Variants in UBE3A observed in about 807,000 individuals in gnomAD.
UBE3A encodes ubiquitin-protein ligase E3A.
Under a neutral mutation model 83.4 loss-of-function variants are expected in UBE3A, and 6 were observed. The ratio of observed to expected loss-of-function variants is 0.07; its 90% confidence interval spans 0.04 to 0.14. UBE3A has a LOEUF of 0.14. Ranked by LOEUF, UBE3A falls within the 10% of genes least tolerant of loss-of-function variation. The pLI, the probability that UBE3A is intolerant of heterozygous loss-of-function variation, is 1.00. For missense variants in UBE3A, 456 were observed against 1,036.1 expected (o/e 0.44, Z 7.69); for synonymous variants, 337 against 355.4 (o/e 0.95, Z 0.58).
At chr15:25,346,481 A>G (rs1351568394) in intron 11 of UBE3A, 1 of 152,244 alleles carries the variant, frequency 6.6e-6, no homozygotes, top group Non-Finnish European at 1.5e-5. Flanking sequence ...TGTCCGAGAC[A>G]CAATCCAAAA....
chr15:25,392,874 T>C (rs2084729712), intron 4 of UBE3A, among the ~76,000 whole-genome samples: 1 of 152,132 alleles, frequency 6.6e-6, no homozygotes, highest in South Asian at 2.1e-4. Context: ...TCAATAGCCA[T>C]GATAAGTAAT....
intron 1 of UBE3A, among the ~76,000 whole-genome samples, chr15:25,435,682 T>G (rs771344423): frequency 6.6e-6 from 1 of 152,212 alleles, no homozygotes; most frequent in African/African-American, 2.4e-5. Flanking sequence ...CTTGGACTTC[T>G]CAGCCCCCAG....
rs113658018 is a variant in UBE3A at position 25,417,053 on chromosome 15, A to T, written c.-164-5082T>A. 1.4e-4 allele frequency among the ~76,000 whole-genome samples: 21 copies of T among 152,274 alleles called. 1 individual carries two copies. Among genetic ancestry groups the T allele is most frequent in the African/African-American group, 5.1e-4 (21 of 41,550 alleles). ...TCAGAAATCTGCCATTTGAGAGTCC[A>T]CTGCTGAGTACTAACTGTACACGAT... On this transcript the variant is annotated intron_variant, in intron 1 of 12. Coordinates refer to ENST00000648336, the MANE Select transcript of UBE3A (RefSeq NM_130839.5).
chr15:25,378,277 GCACA>G (rs2081566268), intron 4 of UBE3A, among the ~76,000 whole-genome samples: 1 of 152,122 alleles, frequency 6.6e-6, no homozygotes, highest in South Asian at 2.1e-4. Flanking sequence ...AGAGTGATCA[GCACA>G]AACAGAACGA....
chr15:25,345,233 A>C (rs1239654587), intron 11 of UBE3A, among the ~76,000 whole-genome samples: 1 of 152,136 alleles, frequency 6.6e-6, no homozygotes, highest in African/African-American at 2.4e-5. Context: ...AAAGTTCTAC[A>C]GGATCTAATT....
Position 25,387,915 on chromosome 15 carries a change from A to G in UBE3A, c.63-12152T>C, listed in dbSNP as rs183455562. Among the ~76,000 whole-genome samples, 3 of 152,320 alleles carry G rather than the reference A, an allele frequency of 2.0e-5. No homozygotes were observed. The East Asian group carries it at 5.8e-4, about 29-fold the overall frequency. On this transcript the variant is annotated intron_variant, in intron 4 of 12. Coordinates refer to ENST00000648336, the MANE Select transcript of UBE3A (RefSeq NM_130839.5). ...AAAAGACACAATCTATTAGAACTCT[A>G]AGAAGAAATAATCTTGATTAAAAAG...
At chr15:25,394,914 A>G (rs2085215221) in intron 4 of UBE3A, among the ~76,000 whole-genome samples, 1 of 152,234 alleles carries the variant, frequency 6.6e-6, no homozygotes. Context: ...GTAAAGAAGC[A>G]AAACAACAAA....
At chr15:25,433,883 G>A (rs1344406306) in intron 1 of UBE3A, among the ~76,000 whole-genome samples, 2 of 151,884 alleles carry the variant, frequency 1.3e-5, no homozygotes, top group Non-Finnish European at 2.9e-5. Flanking sequence ...CCTGAACACG[G>A]CAAGACCCCA....
chr15:25,429,088 A>C (rs189416104), intron 1 of UBE3A, among the ~76,000 whole-genome samples: 1 of 152,348 alleles, frequency 6.6e-6, no homozygotes, highest in African/African-American at 2.4e-5. Context: ...ACTGAGTTTA[A>C]AAAAATCAAG....
At chr15:25,438,394 A>T (rs961104082) in intron 1 of UBE3A, 95 bp downstream of exon 1, 2 of 152,222 alleles carry the variant, frequency 1.3e-5, no homozygotes, top group Admixed American at 6.5e-5. Context: ...GGGGCGGGGA[A>T]GGGGGGTGTC....
In UBE3A at chr15:25,370,527, TC is replaced by T. The variant is rs1244533892; in HGVS notation, c.1608+38del. On this transcript the variant is annotated intron_variant, in intron 6 of 12. Coordinates refer to ENST00000648336, the MANE Select transcript of UBE3A (RefSeq NM_130839.5). This position sits in a 1 kb window ranked among gnomAD's most constrained non-coding sequence, Gnocchi z 4.2. ...GAATTCACTGAACTGTATCATGATA[TC>T]CCCATTATTAGGTTTTTAATCTAGC... 3.1e-6 allele frequency: 5 copies of T among 1,611,402 alleles called. No homozygotes were observed. Among genetic ancestry groups the T allele is most frequent in the Non-Finnish European group, 4.2e-6 (5 of 1,177,556 alleles).
intron 1 of UBE3A, chr15:25,413,093 A>T: frequency 2.4e-6 from 1 of 418,468 alleles, no homozygotes. Context: ...AATATACCAA[A>T]TCTATAAAAA....
intron 4 of UBE3A, among the ~76,000 whole-genome samples, chr15:25,378,652 C>A (rs2152872175): frequency 6.6e-6 from 1 of 152,224 alleles, no homozygotes; most frequent in South Asian, 2.1e-4. Flanking sequence ...GTCCAGGAGT[C>A]TTTCAGCTTC....
rs1383369060 is a variant in UBE3A, at chr15:25,408,810, TATA to T, written c.20+275_20+277del. 9 of 867,604 alleles carry T rather than the reference TATA, an allele frequency of 1.0e-5. No homozygotes were observed. In the African/African-American group the frequency reaches 1.5e-4, roughly 15 times the overall value. 53.7% of individuals were successfully genotyped at this position (867,604 alleles called of 1,614,324 possible). On this transcript the variant is annotated intron_variant, in intron 3 of 12. Coordinates refer to ENST00000648336, the MANE Select transcript of UBE3A (RefSeq NM_130839.5). The stretch of plus-strand genomic sequence containing the variant: ...ATATTAAGAAATTTTTAATGTTTTC[TATA>T]ATGTTTATAGTAAAATGTTTAAAAC...
intron 4 of UBE3A, among the ~76,000 whole-genome samples, chr15:25,398,053 T>C (rs1315836682): frequency 1.3e-5 from 2 of 149,872 alleles, no homozygotes; most frequent in African/African-American, 4.9e-5. Flanking sequence ...ATAAAAATGA[T>C]ACGTATTTGG....
intron 4 of UBE3A, among the ~76,000 whole-genome samples, chr15:25,401,047 C>T (rs1293914103): frequency 3.9e-5 from 6 of 152,136 alleles, no homozygotes; most frequent in Non-Finnish European, 7.4e-5. Flanking sequence ...TCTCAATTAT[C>T]TCAATTATCT....
At chr15:25,357,005 T>C (rs376696373) in intron 7 of UBE3A, 109 bp from the exon 8 acceptor site, 9 of 929,730 alleles carry the variant, frequency 9.7e-6, no homozygotes, top group South Asian at 6.5e-5. Context: ...ATTTAAAATA[T>C]ATGTAATTAG....
At chr15:25,383,130 T>C (rs1305080332) in intron 4 of UBE3A, among the ~76,000 whole-genome samples, 1 of 151,914 alleles carries the variant, frequency 6.6e-6, no homozygotes, top group African/African-American at 2.4e-5. Context: ...TAAATACTGA[T>C]GCAAAAAAAA....
At chr15:25,415,456 G>C (rs779051836) in intron 1 of UBE3A, among the ~76,000 whole-genome samples, 3 of 152,020 alleles carry the variant, frequency 2.0e-5, no homozygotes, top group Non-Finnish European at 4.4e-5. Context: ...TAATGTACTG[G>C]ATATTTGTGT....
Sources: gnomAD v4.1 joint callset for allele counts (sites outside exome capture counted in the v4.1 genomes callset) on GRCh38, gnomAD v4.1.1 for gene constraint, Gnocchi (gnomAD v3.1) non-coding constraint, MANE v1.5 for transcripts, NCBI Gene and HGNC (gene_info 2026-07-23, HGNC 2026-07-21) for gene names.